The following LDLRAD4 variants were observed in gnomAD, a reference collection of about 807,000 sequenced individuals.
LDLRAD4 encodes the protein low density lipoprotein receptor class A domain containing 4, also known as low-density lipoprotein receptor class A domain-containing protein 4.
In LDLRAD4, 5 loss-of-function variants were observed where a neutral mutation model predicts 17.0. The ratio of observed to expected loss-of-function variants is 0.29; its 90% CI spans 0.15 to 0.62. The LOEUF (loss-of-function observed/expected upper bound fraction) is 0.62, where lower values mean the gene tolerates loss of function less well. LDLRAD4 is among the 20% of genes least tolerant of loss of function. LDLRAD4 has a pLI of 0.84. For synonymous variants in LDLRAD4, 168 were observed against 171.8 expected (o/e 0.98, Z 0.17); for missense variants, 340 against 424.7 (o/e 0.80, Z 1.75).
At chr18:13,386,054 C>T (rs2085773459) in intron 1 of LDLRAD4, among the ~76,000 whole-genome samples, 1 of 152,168 alleles carries the variant, frequency 6.6e-6, no homozygotes, top group Admixed American at 6.5e-5. Flanking sequence ...ACTTCACTAC[C>T]TTCTGTTTAT....
At chr18:13,596,203 T>G (rs1038091115) in intron 3 of LDLRAD4, among the ~76,000 whole-genome samples, 3 of 152,208 alleles carry the variant, frequency 2.0e-5, no homozygotes, top group Non-Finnish European at 4.4e-5. Context: ...AGTTTTCTTA[T>G]GACTGTTGTT....
intron 3 of LDLRAD4, chr18:13,520,270 G>A (rs537207233): frequency 2.5e-4 from 38 of 152,310 alleles, no homozygotes; most frequent in African/African-American, 8.2e-4. Context: ...CTGAAAGTTG[G>A]CCCTGTTGGC....
chr18:13,226,180 C>CT (rs71174166), intron 1 of LDLRAD4, among the ~76,000 whole-genome samples: 752 of 52,186 alleles, frequency 0.014, 105 homozygotes, highest in African/African-American at 0.055. Context: ...CCATGCCTTG[C>CT]TTTTTTTTTT....
chr18:13,281,906 A>G (rs1457832783), intron 1 of LDLRAD4, among the ~76,000 whole-genome samples: 2 of 152,148 alleles, frequency 1.3e-5, no homozygotes, highest in Non-Finnish European at 2.9e-5. Flanking sequence ...TGATAAAGAT[A>G]TATCCGAGAC....
intron 1 of LDLRAD4, among the ~76,000 whole-genome samples, chr18:13,262,794 G>T (rs1463135687): frequency 1.1e-5 from 1 of 92,690 alleles, no homozygotes. Context: ...GCGGCTCTGT[G>T]CGTGGAAACT....
rs2091438056 is a variant in LDLRAD4 at position 13,446,786 on chromosome 18, C to T, written c.181+8402C>T. Reference sequence around the variant, plus strand: ...CCTGCTGCGGGCGCCAAGAGCCCGCCTCAGCCACATGTGGGCTTTTAGCCT... The same window carrying T: ...CCTGCTGCGGGCGCCAAGAGCCCGCTTCAGCCACATGTGGGCTTTTAGCCT... On this transcript the variant is annotated intron_variant, in intron 3 of 5. Transcript: ENST00000359446. Among the ~76,000 whole-genome samples the T allele has an allele frequency of 1.3e-5, 2 of 152,254 alleles. 1 individual carries two copies. The highest frequency in any genetic ancestry group is 4.8e-5 in the African/African-American group (2 of 41,470).
At chr18:13,444,791 A>G (rs1050861256) in intron 3 of LDLRAD4, among the ~76,000 whole-genome samples, 2 of 152,162 alleles carry the variant, frequency 1.3e-5, no homozygotes, top group African/African-American at 4.8e-5. Flanking sequence ...GAGTGTAGGG[A>G]TGAATATTAT....
Position 13,263,773 on chromosome 18 carries a change from T to C in LDLRAD4, c.-466-14332T>C, listed in dbSNP as rs530624078. Among the ~76,000 whole-genome samples, 12 of 152,302 alleles carry C rather than the reference T, an allele frequency of 7.9e-5. No homozygotes were observed. In the South Asian group the frequency reaches 2.5e-3, roughly 32 times the overall value. The stretch of plus-strand genomic sequence containing the variant: ...ACAGCTGGCTGATTTTAAGTGTATG[T>C]TATGGTTAAAGTGAGGGAGTCGAGC... On this transcript the variant is annotated intron_variant, in intron 1 of 5. Coordinates refer to the LDLRAD4 transcript ENST00000399848.
At chr18:13,644,441 A>C (rs997011888) in intron 5 of LDLRAD4, among the ~76,000 whole-genome samples, 20 of 148,770 alleles carry the variant, frequency 1.3e-4, no homozygotes, top group Non-Finnish European at 2.4e-4. Context: ...GGTGGTGTGC[A>C]CCTGTAGTCT....
At chr18:13,246,270 C>T (rs1348559403) in intron 1 of LDLRAD4, among the ~76,000 whole-genome samples, 1 of 152,220 alleles carries the variant, frequency 6.6e-6, no homozygotes, top group Non-Finnish European at 1.5e-5. Context: ...TGCTTTTGCC[C>T]ATGCTGAGAC....
intron 4 of LDLRAD4, among the ~76,000 whole-genome samples, chr18:13,639,161 G>GA (rs1420571516): frequency 1.3e-5 from 2 of 152,192 alleles, no homozygotes; most frequent in Non-Finnish European, 2.9e-5. Flanking sequence ...CATTAGCCAA[G>GA]AACATCAGTG....
At chr18:13,421,131 A>AG (rs2089410071) in intron 2 of LDLRAD4, 1 of 152,390 alleles carries the variant, frequency 6.6e-6, no homozygotes, top group Admixed American at 6.5e-5. Context: ...AGAGCCCTGC[A>AG]GGGCGGATGT....
At chr18:13,404,236 C>T (rs993698053) in intron 2 of LDLRAD4, among the ~76,000 whole-genome samples, 6 of 152,220 alleles carry the variant, frequency 3.9e-5, no homozygotes, top group African/African-American at 1.4e-4. Context: ...GCACAGGCCC[C>T]TTCCCCTGGG....
intron 3 of LDLRAD4, among the ~76,000 whole-genome samples, chr18:13,583,549 C>G (rs1011163283): frequency 6.6e-6 from 1 of 152,148 alleles, no homozygotes; most frequent in Non-Finnish European, 1.5e-5. Context: ...AAGAAAGAAA[C>G]GAGTTTGGCC....
intron 4 of LDLRAD4, chr18:13,642,756 A>T: frequency 8.1e-7 from 1 of 1,230,240 alleles, no homozygotes; most frequent in Non-Finnish European, 1.0e-6. Flanking sequence ...TCAAGCACAC[A>T]GGTGTAGAGA....
upstream of LDLRAD4, among the ~76,000 whole-genome samples, chr18:13,275,236 G>C (rs527855106): frequency 6.6e-6 from 1 of 152,306 alleles, no homozygotes; most frequent in South Asian, 2.1e-4. Flanking sequence ...CTCTTAGGGA[G>C]CTTTTTTGTT....
intron 3 of LDLRAD4, among the ~76,000 whole-genome samples, chr18:13,619,502 G>A (rs1159809449): frequency 7.4e-6 from 1 of 135,452 alleles, no homozygotes; most frequent in African/African-American, 2.7e-5. Flanking sequence ...GTGTGTGGGT[G>A]GGGGGGTGGG....
intron 2 of LDLRAD4, among the ~76,000 whole-genome samples, chr18:13,393,730 T>G (rs1324360630): frequency 6.6e-6 from 1 of 152,160 alleles, no homozygotes; most frequent in African/African-American, 2.4e-5. Context: ...CAGGGCTGCT[T>G]CTTGCTTCAT....
chr18:13,286,268 T>A lies in LDLRAD4; in HGVS notation c.-383+8080T>A, dbSNP rs377250355. 1.3e-3 allele frequency among the ~76,000 whole-genome samples: 199 copies of A among 152,372 alleles called. 1 individual carries two copies. The highest frequency in any genetic ancestry group is 4.3e-3 in the African/African-American group (179 of 41,590). ...ACACATTGGAGCCTATCTCAGAATC[T>A]CCTTCCATTTTAAAGCTGACTCATA... On this transcript the variant is annotated intron_variant, in intron 1 of 5. Coordinates refer to ENST00000359446, the Ensembl canonical transcript of LDLRAD4.
Sources: gnomAD v4.1 joint callset for allele counts (sites outside exome capture counted in the v4.1 genomes callset) on GRCh38, gnomAD v4.1.1 for gene constraint, MANE v1.5 for transcripts, NCBI Gene and HGNC (gene_info 2026-07-23, HGNC 2026-07-21) for gene names.